SMAP1: variants seen among roughly 807,000 people sequenced by gnomAD.
The protein encoded by SMAP1 is small ArfGAP 1.
A neutral mutation model predicts 58.5 loss-of-function variants in SMAP1; 24 were observed. The observed-to-expected ratio is 0.41, with a 90% CI of 0.30 to 0.58. The LOEUF (loss-of-function observed/expected upper bound fraction) is 0.58, where lower values mean the gene tolerates loss of function less well. Among genes scored for constraint, SMAP1 ranks in the 20% least tolerant of loss-of-function variants. The probability of loss-of-function intolerance (pLI) is 0.29; values close to 1 mark genes in which losing one functional copy is unlikely to be tolerated. For synonymous variants in SMAP1, 216 were observed against 196.6 expected, an observed-to-expected ratio of 1.10 and a Z score of -0.82; for missense variants, 563 against 566.3, an observed-to-expected ratio of 0.99 and a Z score of 0.06.
At chr6:70,779,654 G>T (rs902429586) in intron 4 of SMAP1, among the ~76,000 whole-genome samples, 1 of 152,034 alleles carries the variant, frequency 6.6e-6, no homozygotes, top group African/African-American at 2.4e-5. Flanking sequence ...CTGCCATTTC[G>T]AGTTTCCCTG....
chr6:70,800,534 T>A (rs1562170376), intron 6 of SMAP1, among the ~76,000 whole-genome samples: 2 of 152,132 alleles, frequency 1.3e-5, no homozygotes, highest in East Asian at 3.8e-4. Flanking sequence ...TTTATTATTA[T>A]ACTTTAAGTT....
At chr6:70,823,531 C>CAGTT (rs1769984732) in intron 6 of SMAP1, among the ~76,000 whole-genome samples, 3 of 152,228 alleles carry the variant, frequency 2.0e-5, no homozygotes, top group Admixed American at 2.0e-4. Context: ...TTTCAAAATA[C>CAGTT]AGTTGTCTGT....
chr6:70,712,805 T>TG (rs1562108698), intron 1 of SMAP1, among the ~76,000 whole-genome samples: 1 of 150,056 alleles, frequency 6.7e-6, no homozygotes, highest in East Asian at 1.9e-4. Context: ...TTCTTTTTTT[T>TG]TTTTTTGAGA....
chr6:70,712,269 C>T (rs1035506939), intron 1 of SMAP1, among the ~76,000 whole-genome samples: 1 of 152,140 alleles, frequency 6.6e-6, no homozygotes, highest in African/African-American at 2.4e-5. Flanking sequence ...AACCTTATAT[C>T]CCAGAGGAAA....
At chr6:70,791,917 A>T in intron 5 of SMAP1, 148 bp downstream of exon 5, 1 of 594,280 alleles carries the variant, frequency 1.7e-6, no homozygotes, top group East Asian at 3.1e-5. Flanking sequence ...GAATTTTTTT[A>T]TACCACAGGT....
At chr6:70,690,242 T>C (rs1043903188) in intron 1 of SMAP1, among the ~76,000 whole-genome samples, 1 of 152,186 alleles carries the variant, frequency 6.6e-6, no homozygotes, top group Non-Finnish European at 1.5e-5. Context: ...TCATCAGAAA[T>C]GTATGTTGAA....
chr6:70,761,166 G>A (rs116771038), intron 3 of SMAP1, among the ~76,000 whole-genome samples: 5,577 of 152,006 alleles, frequency 0.037, 118 homozygotes, highest in African/African-American at 0.052. Flanking sequence ...AAAATATATA[G>A]ATACATGTTA....
intron 1 of SMAP1, among the ~76,000 whole-genome samples, chr6:70,711,084 A>G (rs1353108570): frequency 1.3e-5 from 2 of 152,156 alleles, no homozygotes; most frequent in Non-Finnish European, 2.9e-5. Flanking sequence ...GCTATTTTAC[A>G]GTTAACTTTT....
At chr6:70,788,356 C>A (rs570740605) in intron 4 of SMAP1, among the ~76,000 whole-genome samples, 1 of 149,726 alleles carries the variant, frequency 6.7e-6, no homozygotes, top group Admixed American at 6.6e-5. Context: ...TGCTAAATGA[C>A]GAGTTAATGG....
chr6:70,842,678 A>G (rs1018677440), intron 7 of SMAP1, among the ~76,000 whole-genome samples: 1 of 152,142 alleles, frequency 6.6e-6, no homozygotes, highest in Non-Finnish European at 1.5e-5. Context: ...TAATTATCTC[A>G]TTTGAAGAGA....
At chr6:70,678,167 C>A (rs1162756446) in intron 1 of SMAP1, among the ~76,000 whole-genome samples, 2 of 152,116 alleles carry the variant, frequency 1.3e-5, no homozygotes, top group Non-Finnish European at 2.9e-5. Flanking sequence ...AAAAGTAATT[C>A]TAATAATCTT....
At chr6:70,841,690 A>C (rs1770813715) in intron 7 of SMAP1, among the ~76,000 whole-genome samples, 3 of 152,176 alleles carry the variant, frequency 2.0e-5, no homozygotes, top group Admixed American at 2.0e-4. Context: ...AGGAACATAC[A>C]GTTTTGGGCA....
chr6:70,857,027 C>G lies in SMAP1; in HGVS notation c.958C>G (p.Pro320Ala). 2.5e-6 allele frequency: 4 copies of G among 1,598,568 alleles called. No homozygotes were observed. Among genetic ancestry groups the G allele is most frequent in the East Asian group, 2.2e-5 (1 of 44,680 alleles). Reference sequence around the variant, plus strand: ...AGGAACCATTCAACAGCAAAGTACTCCTGGTAATGAATTTTGATATCTGCT... The same window carrying G: ...AGGAACCATTCAACAGCAAAGTACTGCTGGTAATGAATTTTGATATCTGCT... ...GTGTIQQQST[P>A]GVFMGPTNIP... The change falls in exon 9 of 11, where the codon CCT (proline) becomes GCT (alanine). Residue 320 changes from proline to alanine, a missense_variant. Pro to Ala is a conservative substitution (Grantham distance 27). Coordinates refer to ENST00000370455, the MANE Select transcript of SMAP1 (RefSeq NM_001044305.3).
intron 1 of SMAP1, among the ~76,000 whole-genome samples, chr6:70,669,690 A>G (rs1448254862): frequency 6.6e-6 from 1 of 152,210 alleles, no homozygotes; most frequent in Non-Finnish European, 1.5e-5. Context: ...AAGAAGAAAG[A>G]AGCTGAAGCT....
chr6:70,669,627 G>T (rs906722408), intron 1 of SMAP1, among the ~76,000 whole-genome samples: 1 of 152,176 alleles, frequency 6.6e-6, no homozygotes, highest in African/African-American at 2.4e-5. Context: ...TCAGTTGCTT[G>T]CTCATTGACT....
intron 1 of SMAP1, among the ~76,000 whole-genome samples, chr6:70,675,370 G>A (rs1766440788): frequency 6.6e-6 from 1 of 151,784 alleles, no homozygotes; most frequent in Non-Finnish European, 1.5e-5. Context: ...ATTTTAGGAG[G>A]CCTGGAGCAG....
At chr6:70,722,952 A>G (rs997280975) in intron 1 of SMAP1, among the ~76,000 whole-genome samples, 2 of 152,174 alleles carry the variant, frequency 1.3e-5, no homozygotes, top group Non-Finnish European at 2.9e-5. Context: ...GGGCCAGTTT[A>G]TGGCCAGATT....
At chr6:70,773,711 GA>G (rs1767428678) in intron 4 of SMAP1, among the ~76,000 whole-genome samples, 1 of 152,070 alleles carries the variant, frequency 6.6e-6, no homozygotes, top group South Asian at 2.1e-4. Flanking sequence ...TGGTGGGAGA[GA>G]AATTTTTTCC....
intron 1 of SMAP1, among the ~76,000 whole-genome samples, chr6:70,697,628 T>A (rs965612678): frequency 1.3e-5 from 2 of 152,168 alleles, no homozygotes; most frequent in Admixed American, 6.5e-5. Context: ...TTTGTGAAGA[T>A]GATTTTCTCT....
Sources: allele counts gnomAD v4.1 joint callset (sites outside exome capture counted in the v4.1 genomes callset), GRCh38; gene constraint gnomAD v4.1.1; transcripts MANE v1.5; gene names NCBI Gene and HGNC (gene_info 2026-07-23, HGNC 2026-07-21).